Variants in ETV5 observed in about 807,000 individuals in gnomAD.
ETV5 encodes ETS variant transcription factor 5.
Under a neutral mutation model 70.0 loss-of-function variants are expected in ETV5, and 10 were observed. The observed-to-expected ratio is 0.14, with a 90% CI of 0.09 to 0.24. The LOEUF (loss-of-function observed/expected upper bound fraction) is 0.24. Among genes scored for constraint, ETV5 ranks in the 10% least tolerant of loss-of-function variants. The pLI is 1.00. For missense variants in ETV5, 453 were observed against 651.2 expected (o/e 0.70, Z 3.31); for synonymous variants, 216 against 242.2 (o/e 0.89, Z 1.01).
At chr3:186,050,010 G>A (rs1051794197) in intron 12 of ETV5, among the ~76,000 whole-genome samples, 4 of 152,158 alleles carry the variant, frequency 2.6e-5, no homozygotes, top group African/African-American at 7.2e-5. Flanking sequence ...TCTACACACC[G>A]ACGGGCTATC....
In ETV5 at chr3:186,052,144, G is replaced by C. The variant is rs376316618; in HGVS notation, c.1210-13C>G. ...AGCGCCGAGCAACCTGAAGAGACAG[G>C]AAAGTGAAGAGCAATGGAAACGCAT... On this transcript the variant is annotated splice_polypyrimidine_tract_variant and intron_variant, in intron 11 of 12. Coordinates refer to ENST00000306376, the MANE Select transcript of ETV5 (RefSeq NM_004454.3). This position sits in a 1 kb window ranked among gnomAD's most constrained non-coding sequence, Gnocchi z 4.5. The C allele has an allele frequency of 2.1e-4, 335 of 1,612,830 alleles. No individual in the cohort carries two copies. The highest frequency in any genetic ancestry group is 2.5e-4 in the Non-Finnish European group (289 of 1,179,134).
rs946102079 is a variant in ETV5, at chr3:186,047,120, CTAAG to C, written c.*1515_*1518del. Reference sequence around the variant, plus strand: ...GAACAGTGTAGTCATTCTTAATGTACTAAGTGTCACGGGGAGCACAGAATTCTAC... The same window carrying C: ...GAACAGTGTAGTCATTCTTAATGTACTGTCACGGGGAGCACAGAATTCTAC... On this transcript the variant is annotated 3_prime_UTR_variant, in exon 13 of 13. Transcript: ENST00000306376. 17 of 228,692 alleles carry C rather than the reference CTAAG, an allele frequency of 7.4e-5. No homozygotes were observed. Among genetic ancestry groups the C allele is most frequent in the African/African-American group, 2.9e-4 (13 of 45,164 alleles). The allele number at this position is 228,692 out of a possible 1,614,324, so 14.2% of individuals were successfully genotyped here.
At chr3:186,085,382 G>A (rs917818230) in intron 5 of ETV5, among the ~76,000 whole-genome samples, 5 of 152,006 alleles carry the variant, frequency 3.3e-5, no homozygotes, top group Admixed American at 6.6e-5. Flanking sequence ...CGAGCCACAC[G>A]TCATACCCCT....
At chr3:186,056,821 G>T (rs1380260981) in intron 11 of ETV5, among the ~76,000 whole-genome samples, 1 of 152,206 alleles carries the variant, frequency 6.6e-6, no homozygotes, top group Non-Finnish European at 1.5e-5. Context: ...AAGTCTTCAT[G>T]ATCTTGCCCC....
At chr3:186,053,335 C>A (rs1458235124) in intron 11 of ETV5, among the ~76,000 whole-genome samples, 2 of 152,204 alleles carry the variant, frequency 1.3e-5, no homozygotes. Context: ...CTCCTGACCT[C>A]AAGTGACCCA....
At position 186,105,580 on chromosome 3, in the gene ETV5, C is replaced by G. The variant is rs767440333; in HGVS notation, c.133+45G>C. The G allele has an allele frequency of 1.2e-6, 2 of 1,612,730 alleles. No homozygotes were observed. The highest frequency in any genetic ancestry group is 1.7e-6 in the Non-Finnish European group (2 of 1,178,678). On this transcript the variant is annotated intron_variant, in intron 3 of 12. Transcript: ENST00000306376. This position sits in a 1 kb window ranked among gnomAD's most constrained non-coding sequence, Gnocchi z 4.5. The stretch of plus-strand genomic sequence containing the variant: ...GGGAAGAATCTACACGCTACTGTCA[C>G]TGGGAGCAGGGAAGCCACAACATAA...
intron 7 of ETV5, among the ~76,000 whole-genome samples, chr3:186,071,436 C>T (rs1043476632): frequency 3.9e-5 from 6 of 152,164 alleles, no homozygotes; most frequent in African/African-American, 1.4e-4. Context: ...TGAAGTCCAA[C>T]CTTTACCACT....
rs1016829940 is a variant in ETV5, at chr3:186,061,834, C to T, written c.970+2583G>A. ...TCATTTATGCAGGAGCTTAAAAGCCCGATTATCCTCCCCCAACAAAAGGAT... is the reference window on the plus strand; with the variant it reads ...TCATTTATGCAGGAGCTTAAAAGCCTGATTATCCTCCCCCAACAAAAGGAT... On this transcript the variant is annotated intron_variant, in intron 9 of 12. Transcript: ENST00000306376. Among the ~76,000 whole-genome samples, 5 of 152,064 alleles carry T rather than the reference C, an allele frequency of 3.3e-5. 1 individual carries two copies. The highest frequency in any genetic ancestry group is 2.6e-4 in the Admixed American group (4 of 15,242).
chr3:186,051,375 T>C (rs1019187817), intron 12 of ETV5, among the ~76,000 whole-genome samples: 5 of 152,226 alleles, frequency 3.3e-5, no homozygotes, highest in African/African-American at 1.2e-4. Context: ...AGACTTGCCA[T>C]TCCCATCTTC....
intron 7 of ETV5, among the ~76,000 whole-genome samples, chr3:186,077,038 G>A (rs1356116189): frequency 6.6e-6 from 1 of 152,192 alleles, no homozygotes; most frequent in East Asian, 1.9e-4. Context: ...GAAGTTTTTG[G>A]TTGCTGAATG....
intron 11 of ETV5, among the ~76,000 whole-genome samples, chr3:186,056,509 A>G (rs1370032627): frequency 6.6e-6 from 1 of 152,134 alleles, no homozygotes; most frequent in African/African-American, 2.4e-5. Flanking sequence ...CAGCCTCCCA[A>G]AATGTTGGGA....
intron 7 of ETV5, among the ~76,000 whole-genome samples, chr3:186,069,002 C>G (rs1191656754): frequency 6.6e-6 from 1 of 152,174 alleles, no homozygotes; most frequent in Non-Finnish European, 1.5e-5. Context: ...TCTTGAATAG[C>G]TTTAATAAAA....
intron 1 of ETV5, chr3:186,106,923 G>A (rs573469915): frequency 2.0e-6 from 2 of 983,808 alleles, no homozygotes; most frequent in East Asian, 2.3e-4. Context: ...AACAAAAGGT[G>A]GAAAAACATT....
intron 5 of ETV5, among the ~76,000 whole-genome samples, chr3:186,093,112 A>AT (rs1441541678): frequency 6.6e-6 from 1 of 152,244 alleles, no homozygotes; most frequent in East Asian, 1.9e-4. Context: ...GAAATCCAGC[A>AT]TATCAGCAAT....
At chr3:186,064,129 G>T (rs916878393) in intron 9 of ETV5, 12 of 435,608 alleles carry the variant, frequency 2.8e-5, no homozygotes, top group Non-Finnish European at 4.1e-5. Context: ...AAAAGTTGGG[G>T]TCATTGCTAA....
At position 186,046,396 on chromosome 3, in the gene ETV5, G is replaced by A. The variant is rs376109002; in HGVS notation, c.*2243C>T. 7 of 228,092 alleles carry A rather than the reference G, an allele frequency of 3.1e-5. No individual in the cohort carries two copies. Among genetic ancestry groups the A allele is most frequent in the African/African-American group, 4.5e-5 (2 of 44,926 alleles). The allele number at this position is 228,092 out of a possible 1,614,324, so 14.1% of individuals were successfully genotyped here. A position where few individuals can be genotyped will look rare whatever the true frequency, so the allele number is the denominator to read the frequency against. On this transcript the variant is annotated 3_prime_UTR_variant, in exon 13 of 13. Transcript: ENST00000306376. ...CTTGGCAGGATGCATACGGCCCTGC[G>A]CAGGGGAAAGTATTTCAAATCAGCT...
chr3:186,099,571 A>G (rs1383656665), intron 5 of ETV5, among the ~76,000 whole-genome samples: 1 of 152,200 alleles, frequency 6.6e-6, no homozygotes, highest in Non-Finnish European at 1.5e-5. Flanking sequence ...AAAACCCAAG[A>G]AATGTGTGGA....
rs138695389 is a variant in ETV5 at position 186,050,823 on chromosome 3, AC to A, written c.1311+1206del. ...GCCATCAGAAGCAGCAAAGGGGACC[AC>A]CTAACCCAATCTGAAATGGAAAGGT... On this transcript the variant is annotated intron_variant, in intron 12 of 12. Coordinates refer to ENST00000306376, the MANE Select transcript of ETV5 (RefSeq NM_004454.3). Among the ~76,000 whole-genome samples, 31 of 152,282 alleles carry A rather than the reference AC, an allele frequency of 2.0e-4. No homozygotes were observed. The East Asian group carries it at 5.4e-3, about 27-fold the overall frequency.
intron 7 of ETV5, 108 bp downstream of exon 7, chr3:186,079,709 A>G (rs1200250843): frequency 2.4e-6 from 3 of 1,226,188 alleles, no homozygotes; most frequent in African/African-American, 3.1e-5. Context: ...CAATGTAATG[A>G]TAACTTTTTA....
Sources: allele counts gnomAD v4.1 joint callset (sites outside exome capture counted in the v4.1 genomes callset), GRCh38; gene constraint gnomAD v4.1.1; non-coding constraint Gnocchi (gnomAD v3.1); transcripts MANE v1.5; gene names NCBI Gene and HGNC (gene_info 2026-07-23, HGNC 2026-07-21).